ASZ1: variants seen among roughly 807,000 people sequenced by gnomAD.
The protein encoded by ASZ1 is ankyrin repeat, SAM and basic leucine zipper domain containing 1, also known as ankyrin repeat, SAM and basic leucine zipper domain-containing protein 1.
In ASZ1, 67 loss-of-function variants were observed where a neutral mutation model predicts 61.8. That is an observed-to-expected ratio of 1.08 (90% CI 0.89 to 1.33). The LOEUF (loss-of-function observed/expected upper bound fraction) is 1.33, where lower values mean the gene tolerates loss of function less well. ASZ1 is among the 40% of genes most tolerant of loss of function. The pLI is 0.00. For synonymous variants in ASZ1, 193 were observed against 192.7 expected, an observed-to-expected ratio of 1.00 and a Z score of -0.01; for missense variants, 577 against 554.5, an observed-to-expected ratio of 1.04 and a Z score of -0.41.
chr7:117,408,139 C>T (rs987241255), intron 4 of ASZ1, among the ~76,000 whole-genome samples: 2 of 152,152 alleles, frequency 1.3e-5, no homozygotes, highest in Non-Finnish European at 2.9e-5. Flanking sequence ...TCTCTCCTCT[C>T]TCTGTGGAGG....
intron 2 of ASZ1, among the ~76,000 whole-genome samples, chr7:117,425,817 C>T (rs1021576560): frequency 9.9e-5 from 15 of 151,582 alleles, no homozygotes; most frequent in African/African-American, 3.4e-4. Context: ...GGTGAAACCC[C>T]CGTGTCTACT....
At chr7:117,412,483 G>T (rs1157473138) in intron 4 of ASZ1, among the ~76,000 whole-genome samples, 1 of 151,804 alleles carries the variant, frequency 6.6e-6, no homozygotes, top group African/African-American at 2.4e-5. Context: ...CTACTAAACT[G>T]CTCCTGTGAC....
In ASZ1 at chr7:117,426,897, T is replaced by G. The variant is rs952781101; in HGVS notation, c.144A>C (p.Glu48Asp). 2 of 1,613,082 alleles carry G rather than the reference T, an allele frequency of 1.2e-6. No homozygotes were observed. Among genetic ancestry groups the G allele is most frequent in the East Asian group, 4.5e-5 (2 of 44,866 alleles). The change falls in exon 2 of 13, where the codon GAA becomes GAC. Residue 48 changes from glutamate (E) to aspartate (D), a missense_variant. Coordinates refer to ENST00000284629, the MANE Select transcript of ASZ1 (RefSeq NM_130768.3). ...KRLLPIEEKKEKFKKAMTIGD... is the reference protein window; with the variant it reads ...KRLLPIEEKKDKFKKAMTIGD... ...CGATGGTCATTGCTTTCTTAAATTT[T>G]TCTTTCTTTTCTTCAATGGGTAATA...
chr7:117,411,475 T>C (rs558498409), intron 4 of ASZ1, among the ~76,000 whole-genome samples: 177 of 151,940 alleles, frequency 1.2e-3, no homozygotes, highest in African/African-American at 4.2e-3. Flanking sequence ...CCACAAAGCC[T>C]AACAATATGT....
chr7:117,394,483 T>C (rs1218491852), intron 4 of ASZ1, among the ~76,000 whole-genome samples: 3 of 152,210 alleles, frequency 2.0e-5, no homozygotes, highest in Admixed American at 1.3e-4. Flanking sequence ...CTGAAGTTTA[T>C]TGTGATGTGT....
At chr7:117,367,199 C>T (rs1414297257) in intron 12 of ASZ1, among the ~76,000 whole-genome samples, 153 bp downstream of exon 12, 1 of 152,142 alleles carries the variant, frequency 6.6e-6, no homozygotes, top group Non-Finnish European at 1.5e-5. Flanking sequence ...AGTCTGTTTC[C>T]TGTGTATATT....
intron 11 of ASZ1, 22 bp from the exon 12 acceptor site, chr7:117,367,487 C>T (rs753403646): frequency 1.4e-6 from 2 of 1,438,286 alleles, no homozygotes; most frequent in African/African-American, 2.9e-5. Context: ...TTCAAAAGTT[C>T]AACATTAAAT....
chr7:117,395,601 A>G (rs1174120839), intron 4 of ASZ1, among the ~76,000 whole-genome samples: 4 of 152,068 alleles, frequency 2.6e-5, no homozygotes, highest in Admixed American at 1.3e-4. Flanking sequence ...TTTAAATCAA[A>G]TTGTAATCTC....
intron 4 of ASZ1, among the ~76,000 whole-genome samples, chr7:117,417,009 T>C (rs1797006110): frequency 1.3e-5 from 2 of 152,276 alleles, no homozygotes; most frequent in South Asian, 2.1e-4. Flanking sequence ...AACTCATTTT[T>C]CCCCATTTTA....
chr7:117,393,791 G>A (rs907101612), intron 4 of ASZ1, among the ~76,000 whole-genome samples: 12 of 151,980 alleles, frequency 7.9e-5, no homozygotes, highest in Admixed American at 7.9e-4. Flanking sequence ...ATAAATACAT[G>A]TTTCCATGTC....
intron 11 of ASZ1, 78 bp from the exon 12 acceptor site, chr7:117,367,543 A>G: frequency 8.0e-7 from 1 of 1,242,506 alleles, no homozygotes; most frequent in Non-Finnish European, 1.0e-6. Flanking sequence ...AGATTATACA[A>G]CATTCTTAAA....
intron 4 of ASZ1, among the ~76,000 whole-genome samples, chr7:117,392,439 C>T (rs6957425): frequency 0.023 from 3,468 of 151,900 alleles, 133 homozygotes; most frequent in African/African-American, 0.08. Context: ...TTAATTATTT[C>T]ATTTTTTGCA....
chr7:117,382,975 T>C lies in ASZ1; in HGVS notation c.812+11A>G, dbSNP rs2116470317. 1.3e-6 allele frequency: 2 copies of C among 1,549,060 alleles called. No individual in the cohort carries two copies. The highest frequency in any genetic ancestry group is 2.5e-5 in the South Asian group (2 of 79,866). ...ATAGGTATTCTGTTGAACTAAAACA[T>C]GCTATATTACCTAAAAATGTGATCT... On this transcript the variant is annotated intron_variant, in intron 7 of 12. Transcript: ENST00000284629.
chr7:117,397,665 C>T (rs1796602005), intron 4 of ASZ1, among the ~76,000 whole-genome samples: 2 of 152,150 alleles, frequency 1.3e-5, no homozygotes, highest in African/African-American at 4.8e-5. Flanking sequence ...GAGGAAAACA[C>T]CTGGGTCTGA....
intron 4 of ASZ1, among the ~76,000 whole-genome samples, chr7:117,410,563 G>A (rs1796870480): frequency 6.6e-6 from 1 of 151,472 alleles, no homozygotes; most frequent in Non-Finnish European, 1.5e-5. Context: ...GCATAGCAGA[G>A]TTTTTTTGGA....
At chr7:117,416,314 A>G (rs894885756) in intron 4 of ASZ1, among the ~76,000 whole-genome samples, 3 of 152,222 alleles carry the variant, frequency 2.0e-5, no homozygotes, top group Non-Finnish European at 4.4e-5. Context: ...GTCAGCACTC[A>G]TGCTGCCTTA....
intron 10 of ASZ1, among the ~76,000 whole-genome samples, chr7:117,371,739 G>A (rs1397082726): frequency 6.6e-6 from 1 of 152,038 alleles, no homozygotes. Flanking sequence ...ACTACTAAAT[G>A]AGTAATTCAC....
chr7:117,408,484 T>C (rs1187213058), intron 4 of ASZ1, among the ~76,000 whole-genome samples: 1 of 152,106 alleles, frequency 6.6e-6, no homozygotes, highest in East Asian at 1.9e-4. Context: ...CATTGCCAAA[T>C]CACATTATTT....
intron 4 of ASZ1, among the ~76,000 whole-genome samples, chr7:117,394,104 C>T (rs934205833): frequency 1.3e-5 from 2 of 151,976 alleles, no homozygotes; most frequent in African/African-American, 4.8e-5. Context: ...CTCTCCCCCA[C>T]CCTGGCCCCC....
Sources: gnomAD v4.1 joint callset for allele counts (sites outside exome capture counted in the v4.1 genomes callset) on GRCh38, gnomAD v4.1.1 for gene constraint, MANE v1.5 for transcripts, NCBI Gene and HGNC (gene_info 2026-07-23, HGNC 2026-07-21) for gene names.